Variants in KCTD3 observed in about 807,000 individuals in gnomAD.
KCTD3 encodes BTB/POZ domain-containing protein KCTD3.
A neutral mutation model predicts 85.8 loss-of-function variants in KCTD3; 41 were observed. The ratio of observed to expected loss-of-function variants is 0.48; its 90% CI spans 0.37 to 0.62. KCTD3 has a LOEUF of 0.62. KCTD3 is among the 20% of genes least tolerant of loss of function. The pLI is 0.00. For missense variants in KCTD3, 724 were observed against 989.9 expected (o/e 0.73, Z 3.60); for synonymous variants, 338 against 345.4 (o/e 0.98, Z 0.24).
At chr1:215,612,628 G>A (rs1162725435) in intron 15 of KCTD3, among the ~76,000 whole-genome samples, 1 of 152,116 alleles carries the variant, frequency 6.6e-6, no homozygotes, top group Non-Finnish European at 1.5e-5. Context: ...GCTGGCAGAC[G>A]GCTGAACTAA....
At chr1:215,607,842 A>G (rs1048783585) in intron 13 of KCTD3, among the ~76,000 whole-genome samples, 175 bp from the exon 14 acceptor site, 3 of 152,004 alleles carry the variant, frequency 2.0e-5, no homozygotes, top group African/African-American at 4.8e-5. Context: ...GCAGCAAGGT[A>G]AAACATCCAG....
Position 215,578,802 on chromosome 1 carries a change from TTTTGTC to T in KCTD3, c.398-186_398-181del, listed in dbSNP as rs1386746797. The stretch of plus-strand genomic sequence containing the variant: ...CAATACCAGAAATCTGTTGACAGAA[TTTTGTC>T]TTTGTCTTTGTTTTTTTCATTTTCA... On this transcript the variant is annotated intron_variant, in intron 6 of 17. Transcript: ENST00000259154. Among the ~76,000 whole-genome samples, 4 of 152,314 alleles carry T rather than the reference TTTTGTC, an allele frequency of 2.6e-5. No homozygotes were observed. The South Asian group carries it at 6.2e-4, about 24-fold the overall frequency.
Position 215,620,565 on chromosome 1 carries a change from C to G in KCTD3, c.2395C>G (p.Pro799Ala), listed in dbSNP as rs766479624. The G allele has an allele frequency of 1.2e-6, 2 of 1,611,268 alleles. No individual in the cohort carries two copies. The highest frequency in any genetic ancestry group is 8.5e-7 in the Non-Finnish European group (1 of 1,179,044). Residue 799 changes from proline to alanine, a missense_variant, in exon 18 of 18, where the codon CCA becomes GCA. Coordinates refer to ENST00000259154, the MANE Select transcript of KCTD3 (RefSeq NM_016121.5). ...TASPSPTKTTPSPRHKKSDSS... is the reference protein window; with the variant it reads ...TASPSPTKTTASPRHKKSDSS... ...GTCCCCATCTCCTACAAAGACTACT[C>G]CATCTCCTCGGCATAAAAAAAGTGA...
intron 10 of KCTD3, among the ~76,000 whole-genome samples, chr1:215,600,804 C>T (rs1654800632): frequency 6.6e-6 from 1 of 152,152 alleles, no homozygotes; most frequent in African/African-American, 2.4e-5. Flanking sequence ...AACTTGGTGT[C>T]TTAGTAATTC....
intron 9 of KCTD3, among the ~76,000 whole-genome samples, chr1:215,594,826 A>G (rs1660355147): frequency 6.6e-6 from 1 of 152,146 alleles, no homozygotes; most frequent in South Asian, 2.1e-4. Flanking sequence ...TGTTTTTAGT[A>G]TCATGTGACT....
intron 1 of KCTD3, among the ~76,000 whole-genome samples, chr1:215,571,959 G>A (rs1267253494): frequency 6.6e-6 from 1 of 152,198 alleles, no homozygotes. Flanking sequence ...TGATTGGAAA[G>A]CATGTTTTGA....
intron 6 of KCTD3, among the ~76,000 whole-genome samples, chr1:215,578,315 G>T (rs1290327581): frequency 6.6e-6 from 1 of 152,176 alleles, no homozygotes; most frequent in Non-Finnish European, 1.5e-5. Flanking sequence ...GAGGATCTCT[G>T]TGACAGCCAC....
At chr1:215,584,872 CAGAT>C (rs1268239053) in intron 8 of KCTD3, among the ~76,000 whole-genome samples, 2 of 152,116 alleles carry the variant, frequency 1.3e-5, no homozygotes, top group Non-Finnish European at 2.9e-5. Context: ...CTGGAGAAAT[CAGAT>C]AGAGAGAAAG....
intron 9 of KCTD3, among the ~76,000 whole-genome samples, chr1:215,592,916 G>A (rs1395730020): frequency 1.3e-5 from 2 of 152,160 alleles, no homozygotes; most frequent in Admixed American, 1.3e-4. Context: ...CTGGTGCTCA[G>A]GATTGTTTAG....
intron 3 of KCTD3, 77 bp downstream of exon 3, chr1:215,574,195 G>T: frequency 1.3e-6 from 1 of 767,190 alleles, no homozygotes; most frequent in South Asian, 2.3e-5. Context: ...GTTACTCTAA[G>T]AATATAGGAG....
intron 14 of KCTD3, among the ~76,000 whole-genome samples, chr1:215,608,671 A>G (rs1260297546): frequency 6.6e-6 from 1 of 151,920 alleles, no homozygotes; most frequent in African/African-American, 2.4e-5. Flanking sequence ...TTTTCTCTCT[A>G]TACACCATAC....
At position 215,620,896 on chromosome 1, in the gene KCTD3, T is replaced by C. The variant is rs979707843; in HGVS notation, c.*278T>C. 7.4e-6 allele frequency: 3 copies of C among 404,674 alleles called. No homozygotes were observed. The highest frequency in any genetic ancestry group is 6.9e-5 in the South Asian group (1 of 14,400). The allele number at this position is 404,674 out of a possible 1,614,324, so 25.1% of individuals were successfully genotyped here. A position where few individuals can be genotyped will look rare whatever the true frequency, so the allele number is the denominator to read the frequency against. ...CGACTTTTTTTGGTTTGGAAACATATTACCACGTCTTAATAGGATGGTGCC... is the reference window on the plus strand; with the variant it reads ...CGACTTTTTTTGGTTTGGAAACATACTACCACGTCTTAATAGGATGGTGCC... On this transcript the variant is annotated 3_prime_UTR_variant, in exon 18 of 18. Coordinates refer to ENST00000259154, the MANE Select transcript of KCTD3 (RefSeq NM_016121.5).
chr1:215,576,324 C>T (rs1659579648), intron 4 of KCTD3, among the ~76,000 whole-genome samples: 1 of 152,082 alleles, frequency 6.6e-6, no homozygotes, highest in South Asian at 2.1e-4. Context: ...CCGCCTTAGC[C>T]TCCCAAAGTG....
At chr1:215,595,662 ATAAG>A (rs1660392663) in intron 10 of KCTD3, among the ~76,000 whole-genome samples, 191 bp downstream of exon 10, 1 of 152,200 alleles carries the variant, frequency 6.6e-6, no homozygotes, top group African/African-American at 2.4e-5. Flanking sequence ...ACTTTGGAAA[ATAAG>A]TGAGTTTTTT....
chr1:215,601,558 C>T (rs1654834173), intron 10 of KCTD3, among the ~76,000 whole-genome samples: 1 of 152,006 alleles, frequency 6.6e-6, no homozygotes, highest in African/African-American at 2.4e-5. Flanking sequence ...TTCTAGTGGG[C>T]TGCAATCTAG....
At chr1:215,574,030 C>G in intron 2 of KCTD3, 43 bp from the exon 3 acceptor site, 1 of 1,434,838 alleles carries the variant, frequency 7.0e-7, no homozygotes, top group Non-Finnish European at 9.7e-7. Context: ...TTTGTTTATA[C>G]TCAGATTTTA....
chr1:215,592,500 A>T (rs1162666635), intron 9 of KCTD3, among the ~76,000 whole-genome samples: 2 of 152,192 alleles, frequency 1.3e-5, no homozygotes, highest in Non-Finnish European at 2.9e-5. Flanking sequence ...TTGAAATTAT[A>T]ATACACTGGT....
chr1:215,601,966 G>A lies in KCTD3; in HGVS notation c.1021+12G>A. 1 of 1,534,592 alleles carries A rather than the reference G, an allele frequency of 6.5e-7. No homozygotes were observed. Among genetic ancestry groups the A allele is most frequent in the Non-Finnish European group, 9.0e-7 (1 of 1,110,864 alleles). On this transcript the variant is annotated intron_variant, in intron 11 of 17. Transcript: ENST00000259154. ...AATATATTACATAGGTAAGTGTTCAGTCACTTAAAATGCTCCTGCTTAATG... is the reference window on the plus strand; with the variant it reads ...AATATATTACATAGGTAAGTGTTCAATCACTTAAAATGCTCCTGCTTAATG...
At chr1:215,618,311 T>C in intron 15 of KCTD3, 1 of 185,044 alleles carries the variant, frequency 5.4e-6, no homozygotes, top group Non-Finnish European at 1.2e-5. Flanking sequence ...TCTTTTTCCC[T>C]CCTTTTTGTC....
Sources: allele counts gnomAD v4.1 joint callset (sites outside exome capture counted in the v4.1 genomes callset), GRCh38; gene constraint gnomAD v4.1.1; transcripts MANE v1.5; gene names NCBI Gene and HGNC (gene_info 2026-07-23, HGNC 2026-07-21).